The following KALRN variants were observed in gnomAD, a reference collection of about 807,000 sequenced individuals.
KALRN encodes the protein kalirin.
KALRN carries 70 observed loss-of-function variants against 353.7 expected under a neutral mutation model. The ratio of observed to expected loss-of-function variants is 0.20; its 90% confidence interval spans 0.16 to 0.24. The LOEUF (loss-of-function observed/expected upper bound fraction) is 0.24, where lower values mean the gene tolerates loss of function less well. Ranked by LOEUF, KALRN falls within the 10% of genes least tolerant of loss-of-function variation. The pLI is 1.00. For synonymous variants in KALRN, 1,391 were observed against 1,434.8 expected (o/e 0.97, Z 0.69); for missense variants, 2,791 against 3,756.7 (o/e 0.74, Z 6.72).
chr3:124,587,553 G>C (rs967112034), intron 34 of KALRN, among the ~76,000 whole-genome samples: 1 of 152,158 alleles, frequency 6.6e-6, no homozygotes, highest in African/African-American at 2.4e-5. Flanking sequence ...TAGGGTCAGA[G>C]TCAAGGATTT....
At chr3:124,297,751 A>G (rs1329171037) in intron 5 of KALRN, among the ~76,000 whole-genome samples, 2 of 152,252 alleles carry the variant, frequency 1.3e-5, no homozygotes, top group East Asian at 3.8e-4. Flanking sequence ...CTCAGGTCCA[A>G]GGAAGTCCAG....
At chr3:124,660,272 A>G (rs998632796) in intron 43 of KALRN, among the ~76,000 whole-genome samples, 6 of 152,172 alleles carry the variant, frequency 3.9e-5, no homozygotes, top group Non-Finnish European at 7.4e-5. Flanking sequence ...GATTCATCTT[A>G]TGGAACTAGG....
intron 1 of KALRN, among the ~76,000 whole-genome samples, chr3:124,120,711 A>AATATATATATATATATATATAT (rs368470724): frequency 2.7e-4 from 27 of 98,928 alleles, no homozygotes; most frequent in African/African-American, 1.0e-3. Context: ...GAATACTAAA[A>AATATATATATATATATATATAT]ATATATATAT....
intron 1 of KALRN, among the ~76,000 whole-genome samples, chr3:124,070,703 A>G (rs977677786): frequency 1.3e-5 from 2 of 152,198 alleles, no homozygotes; most frequent in Non-Finnish European, 2.9e-5. Context: ...TGTTGTTTAT[A>G]AAATAGCGGC....
At chr3:124,408,677 G>GT (rs1444093336) in intron 13 of KALRN, among the ~76,000 whole-genome samples, 9 of 152,130 alleles carry the variant, frequency 5.9e-5, no homozygotes, top group Admixed American at 5.9e-4. Context: ...AATGTTGCAG[G>GT]TGATAAAGAG....
intron 33 of KALRN, among the ~76,000 whole-genome samples, chr3:124,553,509 G>A (rs571366345): frequency 6.6e-6 from 1 of 152,238 alleles, no homozygotes; most frequent in East Asian, 1.9e-4. Flanking sequence ...AGTCCATACA[G>A]TAGACAATTT....
chr3:124,527,585 C>T (rs940735499), intron 33 of KALRN, among the ~76,000 whole-genome samples: 1 of 150,346 alleles, frequency 6.7e-6, no homozygotes, highest in African/African-American at 2.5e-5. Context: ...GCCTGGGCGA[C>T]AGAGCAAGAC....
At chr3:124,414,260 A>G (rs1423011735) in intron 14 of KALRN, among the ~76,000 whole-genome samples, 1 of 152,204 alleles carries the variant, frequency 6.6e-6, no homozygotes, top group Non-Finnish European at 1.5e-5. Context: ...AAAAAATGGT[A>G]GCCTGGAAAA....
chr3:124,659,524 T>C, intron 43 of KALRN, 67 bp downstream of exon 43: 2 of 1,079,764 alleles, frequency 1.9e-6, no homozygotes, highest in Admixed American at 3.4e-5. Flanking sequence ...GGTTCTGAGC[T>C]AGGGGTAGAG....
At chr3:124,519,634 CT>C (rs2066996796) in intron 33 of KALRN, 1 of 985,214 alleles carries the variant, frequency 1.0e-6, no homozygotes, top group South Asian at 4.7e-5. Flanking sequence ...GAGGATGTGA[CT>C]TGTTCAGTGT....
intron 11 of KALRN, 38 bp downstream of exon 11, chr3:124,385,074 C>T (rs1278452634): frequency 6.6e-7 from 1 of 1,525,264 alleles, no homozygotes; most frequent in Non-Finnish European, 8.9e-7. Flanking sequence ...TTCTGTCCTG[C>T]CAGGGTCAGG....
intron 1 of KALRN, among the ~76,000 whole-genome samples, chr3:124,067,320 G>A (rs1208043302): frequency 1.4e-5 from 1 of 73,956 alleles, no homozygotes; most frequent in Non-Finnish European, 2.7e-5. Flanking sequence ...CCACCCCACC[G>A]CACCCACCCC....
intron 3 of KALRN, among the ~76,000 whole-genome samples, chr3:124,250,727 G>T (rs11707729): frequency 0.62 from 94,408 of 151,906 alleles, 31,955 homozygotes; most frequent in Non-Finnish European, 0.75. Flanking sequence ...TACCTTGGGG[G>T]TTGTCTGAGG....
chr3:124,163,026 A>C (rs1009253633), intron 1 of KALRN: 1 of 152,242 alleles, frequency 6.6e-6, no homozygotes, highest in Non-Finnish European at 1.5e-5. Context: ...CAAAGGCAAG[A>C]CACCTGAAAT....
chr3:124,662,654 G>A (rs2085045741), intron 45 of KALRN, among the ~76,000 whole-genome samples: 1 of 152,162 alleles, frequency 6.6e-6, no homozygotes, highest in Non-Finnish European at 1.5e-5. Context: ...TTTGAAGAGG[G>A]GAATCAAGTC....
intron 1 of KALRN, among the ~76,000 whole-genome samples, chr3:124,056,168 T>G (rs958569881): frequency 1.3e-5 from 2 of 152,246 alleles, no homozygotes; most frequent in African/African-American, 4.8e-5. Flanking sequence ...GCCCCTTGCC[T>G]TGCAGGTCTT....
At chr3:124,265,976 G>A (rs868437558) in intron 4 of KALRN, among the ~76,000 whole-genome samples, 3 of 152,050 alleles carry the variant, frequency 2.0e-5, no homozygotes, top group Non-Finnish European at 4.4e-5. Flanking sequence ...TTAGCCGGGC[G>A]TGGTGGCGTG....
At chr3:124,495,949 G>T (rs1423488727) in intron 32 of KALRN, among the ~76,000 whole-genome samples, 7 of 57,848 alleles carry the variant, frequency 1.2e-4, no homozygotes, top group Non-Finnish European at 2.0e-4. Flanking sequence ...TCCCAAGTGT[G>T]TGTATGTGTA....
chr3:124,098,105 A>AT (rs1363614036), intron 1 of KALRN, among the ~76,000 whole-genome samples: 1 of 151,928 alleles, frequency 6.6e-6, no homozygotes, highest in Non-Finnish European at 1.5e-5. Flanking sequence ...TTTACATGTA[A>AT]TTTTTTTTGG....
Sources: gnomAD v4.1 joint callset for allele counts (sites outside exome capture counted in the v4.1 genomes callset) on GRCh38, gnomAD v4.1.1 for gene constraint, MANE v1.5 for transcripts, NCBI Gene and HGNC (gene_info 2026-07-23, HGNC 2026-07-21) for gene names.